Variants in ZNF536 observed in about 807,000 individuals in gnomAD.
ZNF536 encodes the protein zinc finger protein 536.
In ZNF536, 13 loss-of-function variants were observed where a neutral mutation model predicts 84.5. The ratio of observed to expected loss-of-function variants is 0.15; its 90% confidence interval spans 0.10 to 0.24. The LOEUF is 0.24. ZNF536 is among the 10% of genes least tolerant of loss of function. The probability of loss-of-function intolerance (pLI) is 1.00; values close to 1 mark genes in which losing one functional copy is unlikely to be tolerated. For missense variants in ZNF536, 1,536 were observed against 1,747.5 expected, an observed-to-expected ratio of 0.88 and a Z score of 2.16; for synonymous variants, 811 against 742.5, an observed-to-expected ratio of 1.09 and a Z score of -1.50.
intron 1 of ZNF536, among the ~76,000 whole-genome samples, chr19:30,685,170 G>A (rs1002859025): frequency 2.6e-5 from 4 of 152,198 alleles, no homozygotes; most frequent in African/African-American, 9.7e-5. Flanking sequence ...CACCAAAGGG[G>A]TTTGGGTGTG....
At chr19:30,510,550 A>G (rs146332239) in intron 2 of ZNF536, among the ~76,000 whole-genome samples, 85 of 152,292 alleles carry the variant, frequency 5.6e-4, no homozygotes, top group Middle Eastern at 3.4e-3. Context: ...GCAGGTGGCA[A>G]TGAGTTGCCC....
intron 1 of ZNF536, among the ~76,000 whole-genome samples, chr19:30,622,092 C>A (rs1260944976): frequency 1.3e-5 from 2 of 152,180 alleles, no homozygotes; most frequent in African/African-American, 4.8e-5. Flanking sequence ...CCTGCTGATG[C>A]AAGAGAGAGA....
intron 1 of ZNF536, among the ~76,000 whole-genome samples, chr19:30,590,600 T>C (rs1202411687): frequency 6.6e-6 from 1 of 152,232 alleles, no homozygotes; most frequent in Non-Finnish European, 1.5e-5. Context: ...CATCACAGCC[T>C]GCAGCCCACT....
chr19:30,637,625 A>G lies in ZNF536; in HGVS notation c.170-73132A>G, dbSNP rs375528150. ...TTGGAGTTTCCATCTAAAGAGTAACAAAAGCACATATTTTAACATCCTTCT... is the reference window on the plus strand; with the variant it reads ...TTGGAGTTTCCATCTAAAGAGTAACGAAAGCACATATTTTAACATCCTTCT... On this transcript the variant is annotated intron_variant, in intron 1 of 1. Transcript: ENST00000592773. 1.2e-4 allele frequency among the ~76,000 whole-genome samples: 18 copies of G among 152,340 alleles called. 1 individual carries two copies. Among genetic ancestry groups the G allele is most frequent in the African/African-American group, 4.1e-4 (17 of 41,578 alleles).
In ZNF536 at chr19:30,557,303, T is replaced by C; in HGVS notation, c.*139T>C. 1 of 963,112 alleles carries C rather than the reference T, an allele frequency of 1.0e-6. No individual in the cohort carries two copies. The highest frequency in any genetic ancestry group is 1.6e-6 in the Non-Finnish European group (1 of 609,656). The allele number at this position is 963,112 out of a possible 1,614,324, so 59.7% of individuals were successfully genotyped here. ...GTGTGTTGAATAATTACTATTGGCA[T>C]AGGTATGTGTATACACACGGTGCAC... On this transcript the variant is annotated 3_prime_UTR_variant, in exon 5 of 5. Coordinates refer to ENST00000355537, the MANE Select transcript of ZNF536 (RefSeq NM_014717.3).
intron 2 of ZNF536, among the ~76,000 whole-genome samples, chr19:30,504,911 T>C (rs903509102): frequency 6.6e-6 from 1 of 151,956 alleles, no homozygotes; most frequent in Admixed American, 6.5e-5. Flanking sequence ...GAAAAACAAA[T>C]GGCCCATATG....
intron 3 of ZNF536, among the ~76,000 whole-genome samples, chr19:30,535,275 C>T (rs895871851): frequency 2.0e-5 from 3 of 152,180 alleles, no homozygotes; most frequent in African/African-American, 4.8e-5. Flanking sequence ...GCCTCTAGGG[C>T]GTTTTGCTAA....
At chr19:30,667,469 C>T (rs551689928) in intron 1 of ZNF536, among the ~76,000 whole-genome samples, 1 of 152,088 alleles carries the variant, frequency 6.6e-6, no homozygotes, top group Non-Finnish European at 1.5e-5. Context: ...AGGCCTCCCC[C>T]ATGCCGAAGC....
chr19:30,234,888 C>G (rs1370378636), intron 1 of ZNF536, among the ~76,000 whole-genome samples: 1 of 152,192 alleles, frequency 6.6e-6, no homozygotes, highest in African/African-American at 2.4e-5. Context: ...GATGGTCTGG[C>G]TTGCATTTCT....
chr19:30,410,465 C>CTTTTTTTTTTTTTTTT lies in ZNF536; in HGVS notation c.-2-33084_-2-33069dup, dbSNP rs201561646. ...TAAATAAACAATGAAAAGTGAAGGT[C>CTTTTTTTTTTTTTTTT]TTTTTTTTTTTTTTTTTTTTTTTTT... On this transcript the variant is annotated intron_variant, in intron 1 of 4. Transcript: ENST00000355537. 6.5e-5 allele frequency among the ~76,000 whole-genome samples: 8 copies of CTTTTTTTTTTTTTTTT among 122,628 alleles called. 3 individuals carry two copies. The highest frequency in any genetic ancestry group is 3.2e-4 in the African/African-American group (8 of 24,956). The allele number at this position is 122,628 out of a possible 152,430, so 80.4% of individuals were successfully genotyped here.
At chr19:30,336,828 T>C (rs2047398304) in intron 2 of ZNF536, among the ~76,000 whole-genome samples, 1 of 152,170 alleles carries the variant, frequency 6.6e-6, no homozygotes, top group African/African-American at 2.4e-5. Flanking sequence ...ATGAATGAAA[T>C]TGCATTTGAG....
At chr19:30,526,723 CAAAAAAAAAAAA>C (rs766704469) in intron 2 of ZNF536, among the ~76,000 whole-genome samples, 1 of 46,872 alleles carries the variant, frequency 2.1e-5, no homozygotes, top group Non-Finnish European at 5.1e-5. Context: ...GACTCCGTCT[CAAAAAAAAAAAA>C]AAAAAAAAAA....
At chr19:30,651,386 T>C (rs1682134690) in intron 1 of ZNF536, among the ~76,000 whole-genome samples, 1 of 152,178 alleles carries the variant, frequency 6.6e-6, no homozygotes, top group African/African-American at 2.4e-5. Context: ...ACCCAGCTGC[T>C]ATTCTTCCCA....
At chr19:30,226,763 G>A (rs573457153), upstream of ZNF536, among the ~76,000 whole-genome samples, 1 of 152,224 alleles carries the variant, frequency 6.6e-6, no homozygotes, top group South Asian at 2.1e-4. The surrounding 1 kb of genome is among the most constrained non-coding windows in gnomAD (Gnocchi z 4.6). Flanking sequence ...GAGCGAGGAA[G>A]TGCGGGCGTG....
intron 2 of ZNF536, among the ~76,000 whole-genome samples, chr19:30,320,903 C>T (rs1486029790): frequency 3.3e-5 from 5 of 152,178 alleles, no homozygotes; most frequent in Admixed American, 2.6e-4. Flanking sequence ...ATATTTCAAT[C>T]CATTAACCCA....
intron 1 of ZNF536, among the ~76,000 whole-genome samples, chr19:30,647,240 T>C (rs1414414992): frequency 1.3e-5 from 2 of 152,266 alleles, no homozygotes; most frequent in Non-Finnish European, 2.9e-5. Flanking sequence ...GTTTCCAATA[T>C]CTTCCCCACT....
chr19:30,688,179 C>T (rs962897900), intron 1 of ZNF536, among the ~76,000 whole-genome samples: 1 of 152,118 alleles, frequency 6.6e-6, no homozygotes, highest in Non-Finnish European at 1.5e-5. Context: ...GTGCAGGGGG[C>T]CTCACAAGTG....
intron 1 of ZNF536, among the ~76,000 whole-genome samples, chr19:30,621,787 C>T (rs939373443): frequency 3.3e-5 from 5 of 152,350 alleles, no homozygotes; most frequent in Non-Finnish European, 7.3e-5. Context: ...TTCAGCTCTG[C>T]AGCTGCTTAG....
At chr19:30,678,658 G>A (rs2050845142) in intron 1 of ZNF536, among the ~76,000 whole-genome samples, 1 of 152,158 alleles carries the variant, frequency 6.6e-6, no homozygotes, top group South Asian at 2.1e-4. Flanking sequence ...GCCAAGCAGG[G>A]AGCCTTGGGA....
Sources: allele counts gnomAD v4.1 joint callset (sites outside exome capture counted in the v4.1 genomes callset), GRCh38; gene constraint gnomAD v4.1.1; non-coding constraint Gnocchi (gnomAD v3.1); transcripts MANE v1.5; gene names NCBI Gene and HGNC (gene_info 2026-07-23, HGNC 2026-07-21).